The following CSMD1 variants were observed in gnomAD, a reference collection of about 807,000 sequenced individuals.
The protein encoded by CSMD1 is CUB and sushi domain-containing protein 1.
CSMD1 carries 213 observed loss-of-function variants against 417.5 expected under a neutral mutation model. The observed-to-expected ratio is 0.51, with a 90% CI of 0.46 to 0.57. The LOEUF (loss-of-function observed/expected upper bound fraction) is 0.57. Ranked by LOEUF, CSMD1 falls within the 20% of genes least tolerant of loss-of-function variation. CSMD1 has a pLI of 0.00. For missense variants in CSMD1, 6,923 were observed against 4,529.7 expected, an observed-to-expected ratio of 1.53 and a Z score of -15.17; for synonymous variants, 2,862 against 1,736.8, an observed-to-expected ratio of 1.65 and a Z score of -16.11.
intron 1 of CSMD1, among the ~76,000 whole-genome samples, chr8:4,675,525 G>C (rs997895758): frequency 1.3e-5 from 2 of 152,112 alleles, no homozygotes; most frequent in African/African-American, 4.8e-5. Context: ...GTAATGGAGG[G>C]ACAAGTTCTG....
At chr8:4,856,858 G>A (rs1220542388) in intron 1 of CSMD1, among the ~76,000 whole-genome samples, 2 of 151,924 alleles carry the variant, frequency 1.3e-5, no homozygotes, top group African/African-American at 2.4e-5. Flanking sequence ...ACAGATCAAC[G>A]AGACAGAAAG....
Position 3,331,223 on chromosome 8 carries a change from A to G in CSMD1, c.3631+12071T>C, listed in dbSNP as rs377662588. On this transcript the variant is annotated intron_variant, in intron 23 of 69. Transcript: ENST00000635120. ...ACTGCACTCCAGCCTGGCCGACAGA[A>G]CGAGACTCCGTCTCAAAAAAAAAAA... Among the ~76,000 whole-genome samples, 249 of 144,722 alleles carry G rather than the reference A, an allele frequency of 1.7e-3. 1 individual carries two copies. Among genetic ancestry groups the G allele is most frequent in the Non-Finnish European group, 2.8e-3 (185 of 66,548 alleles). The allele number at this position is 144,722 out of a possible 152,430, so 94.9% of individuals were successfully genotyped here. A position where few individuals can be genotyped will look rare whatever the true frequency, so the allele number is the denominator to read the frequency against.
chr8:4,202,409 C>G (rs1489593485), intron 3 of CSMD1, among the ~76,000 whole-genome samples: 1 of 152,088 alleles, frequency 6.6e-6, no homozygotes, highest in Non-Finnish European at 1.5e-5. Flanking sequence ...AGCTTTTTCA[C>G]AAGAATGGAA....
At chr8:4,020,721 T>A (rs1201705100) in intron 4 of CSMD1, among the ~76,000 whole-genome samples, 1 of 152,210 alleles carries the variant, frequency 6.6e-6, no homozygotes, top group East Asian at 1.9e-4. Flanking sequence ...TTCCTCAAAG[T>A]CTTCTGTAAT....
chr8:4,723,811 A>AC (rs1491364818), intron 1 of CSMD1, among the ~76,000 whole-genome samples: 5 of 150,892 alleles, frequency 3.3e-5, no homozygotes, highest in African/African-American at 9.7e-5. Context: ...CAAAAAAAAA[A>AC]CAAAACAAAA....
chr8:3,644,367 G>A (rs1443852532), intron 7 of CSMD1, among the ~76,000 whole-genome samples: 1 of 152,196 alleles, frequency 6.6e-6, no homozygotes, highest in Non-Finnish European at 1.5e-5. Context: ...TCTAAAATCA[G>A]CAGGTGCGAG....
chr8:3,743,404 G>C lies in CSMD1; in HGVS notation c.931+10526C>G, dbSNP rs546320991. Among the ~76,000 whole-genome samples the C allele has an allele frequency of 5.3e-5, 8 of 152,352 alleles. No homozygotes were observed. In the East Asian group the frequency reaches 9.6e-4, roughly 18 times the overall value. On this transcript the variant is annotated intron_variant, in intron 6 of 69. Coordinates refer to ENST00000635120, the MANE Select transcript of CSMD1 (RefSeq NM_033225.6). The stretch of plus-strand genomic sequence containing the variant: ...ACATAAAACTGCATTGCGTGGAATA[G>C]TGTGACATTAGGATGGTGTTAGAAA...
rs200769696 is a variant in CSMD1 at position 3,752,676 on chromosome 8, CAAAAAAAAAAA to C, written c.931+1243_931+1253del. 1.3e-4 allele frequency among the ~76,000 whole-genome samples: 13 copies of C among 96,986 alleles called. No individual in the cohort carries two copies. The East Asian group carries it at 1.5e-3, about 11-fold the overall frequency. The allele number at this position is 96,986 out of a possible 152,430, so 63.6% of individuals were successfully genotyped here. A position where few individuals can be genotyped will look rare whatever the true frequency, so the allele number is the denominator to read the frequency against. ...CCACTGCCACCCACTCCCCGCCTGG[CAAAAAAAAAAA>C]AAAAAAAAAAAAAAAAACATATTTT... On this transcript the variant is annotated intron_variant, in intron 6 of 69. Transcript: ENST00000635120.
intron 1 of CSMD1, among the ~76,000 whole-genome samples, chr8:4,920,994 GA>G (rs762907195): frequency 0.26 from 6,318 of 24,110 alleles, 1,325 homozygotes; most frequent in African/African-American, 0.41. Flanking sequence ...AAGAAAGAAA[GA>G]AAAGAAAGAA....
intron 12 of CSMD1, among the ~76,000 whole-genome samples, chr8:3,414,243 T>C: frequency 1.9e-5 from 1 of 51,754 alleles, no homozygotes; most frequent in Admixed American, 1.9e-4. Context: ...AAAAAAATGC[T>C]GTACAAACTA....
At chr8:3,185,355 T>A (rs1821681919) in intron 36 of CSMD1, among the ~76,000 whole-genome samples, 1 of 152,206 alleles carries the variant, frequency 6.6e-6, no homozygotes, top group Non-Finnish European at 1.5e-5. Flanking sequence ...GGCAATGTGG[T>A]CACTTCTTTT....
chr8:4,284,671 A>G (rs1160643542), intron 3 of CSMD1, among the ~76,000 whole-genome samples: 2 of 152,046 alleles, frequency 1.3e-5, no homozygotes, highest in African/African-American at 4.8e-5. Flanking sequence ...GGATCCCCAC[A>G]ACACTCTTGA....
chr8:3,009,059 T>G (rs995688309), intron 52 of CSMD1, among the ~76,000 whole-genome samples: 1 of 152,196 alleles, frequency 6.6e-6, no homozygotes, highest in Non-Finnish European at 1.5e-5. Flanking sequence ...GTGGGAATGT[T>G]GCCACAATGT....
chr8:4,362,802 T>G (rs1474886847), intron 3 of CSMD1, among the ~76,000 whole-genome samples: 1 of 152,228 alleles, frequency 6.6e-6, no homozygotes, highest in Non-Finnish European at 1.5e-5. Flanking sequence ...AGGGAATTAT[T>G]ATTGTAGTTT....
intron 5 of CSMD1, among the ~76,000 whole-genome samples, chr8:3,833,456 C>G (rs887855803): frequency 6.6e-6 from 1 of 152,044 alleles, no homozygotes; most frequent in African/African-American, 2.4e-5. Flanking sequence ...GTTTACAAAT[C>G]ATTTATTAAT....
At chr8:4,755,858 C>T (rs1811634127) in intron 1 of CSMD1, among the ~76,000 whole-genome samples, 2 of 152,134 alleles carry the variant, frequency 1.3e-5, no homozygotes, top group Admixed American at 6.6e-5. Flanking sequence ...ACCACACCAA[C>T]CTGGTCCAAC....
chr8:4,397,938 T>G (rs535707928), intron 3 of CSMD1, among the ~76,000 whole-genome samples: 1 of 152,228 alleles, frequency 6.6e-6, no homozygotes, highest in East Asian at 1.9e-4. Flanking sequence ...CATTCTAGAG[T>G]AGGAAAAAAT....
At chr8:4,577,560 C>T (rs189304662) in intron 2 of CSMD1, among the ~76,000 whole-genome samples, 4 of 152,270 alleles carry the variant, frequency 2.6e-5, no homozygotes, top group African/African-American at 2.4e-5. Context: ...ATCCTTCCTC[C>T]GGGTGTGAAA....
intron 3 of CSMD1, among the ~76,000 whole-genome samples, chr8:4,405,262 T>C (rs1178718895): frequency 6.6e-6 from 1 of 152,094 alleles, no homozygotes; most frequent in African/African-American, 2.4e-5. Flanking sequence ...AAAAGAGAAG[T>C]CAAAAAAGGA....
Sources: gnomAD v4.1 joint callset for allele counts (sites outside exome capture counted in the v4.1 genomes callset) on GRCh38, gnomAD v4.1.1 for gene constraint, MANE v1.5 for transcripts, NCBI Gene and HGNC (gene_info 2026-07-23, HGNC 2026-07-21) for gene names.